The following AMMECR1 variants were observed in gnomAD, a reference collection of about 807,000 sequenced individuals.
The protein encoded by AMMECR1 is AMMECR nuclear protein 1, also known as nuclear protein AMMECR1.
Under a neutral mutation model 22.5 loss-of-function variants are expected in AMMECR1, and 3 were observed. The ratio of observed to expected loss-of-function variants is 0.13; its 90% CI spans 0.06 to 0.35. The LOEUF (loss-of-function observed/expected upper bound fraction) is 0.35. Ranked by LOEUF, AMMECR1 falls within the 10% of genes least tolerant of loss-of-function variation. The probability of loss-of-function intolerance (pLI) is 1.00; values close to 1 mark genes in which losing one functional copy is unlikely to be tolerated. For synonymous variants in AMMECR1, 130 were observed against 116.7 expected, an observed-to-expected ratio of 1.11 and a Z score of -0.74; for missense variants, 235 against 278.7, an observed-to-expected ratio of 0.84 and a Z score of 1.12.
At chrX:110,343,631 C>T (rs141190848) in intron 2 of AMMECR1, among the ~76,000 whole-genome samples, 1,133 of 111,379 alleles carry the variant, frequency 0.01, 11 homozygotes, top group Non-Finnish European at 0.015. Flanking sequence ...AGCTGATAAG[C>T]AAATTCAGGA....
At chrX:110,410,309 A>C (rs1214989926) in intron 2 of AMMECR1, among the ~76,000 whole-genome samples, 1 of 111,803 alleles carries the variant, frequency 8.9e-6, no homozygotes, top group Non-Finnish European at 1.9e-5. Context: ...TAGAGGACAG[A>C]GGGCATCTTA....
chrX:110,230,046 C>A (rs2067555816), intron 2 of AMMECR1, among the ~76,000 whole-genome samples: 1 of 113,198 alleles, frequency 8.8e-6, no homozygotes, highest in South Asian at 3.6e-4. Context: ...ACAACGCCTA[C>A]TGCCTCTAGA....
intron 2 of AMMECR1, among the ~76,000 whole-genome samples, chrX:110,422,755 T>G (rs1036836446): frequency 8.9e-6 from 1 of 112,109 alleles, no homozygotes; most frequent in African/African-American, 3.2e-5. Flanking sequence ...CTCTGATGGC[T>G]TTAATTCACA....
intron 3 of AMMECR1, among the ~76,000 whole-genome samples, chrX:110,203,354 A>T (rs2067406419): frequency 9.0e-6 from 1 of 111,187 alleles, no homozygotes; most frequent in Non-Finnish European, 1.9e-5. Context: ...TTTCTTGCTA[A>T]TTTTTTTTTA....
chrX:110,199,426 C>T (rs1375927607), intron 5 of AMMECR1, among the ~76,000 whole-genome samples: 1 of 110,976 alleles, frequency 9.0e-6, no homozygotes, highest in Non-Finnish European at 1.9e-5. Flanking sequence ...ACTGTCCCCC[C>T]ACAGTGAACC....
At chrX:110,428,054 T>C (rs894466360) in intron 1 of AMMECR1, among the ~76,000 whole-genome samples, 2 of 112,410 alleles carry the variant, frequency 1.8e-5, no homozygotes, top group African/African-American at 6.5e-5. Flanking sequence ...TCTCTTGTTC[T>C]TCTCTGGTTA....
intron 1 of AMMECR1, among the ~76,000 whole-genome samples, chrX:110,290,542 A>G (rs997274950): frequency 3.6e-5 from 4 of 111,936 alleles, no homozygotes; most frequent in Non-Finnish European, 7.5e-5. Context: ...GTGTGTTTGT[A>G]GCAGTCCTGA....
At chrX:110,351,791 C>T (rs1192302657) in intron 2 of AMMECR1, among the ~76,000 whole-genome samples, 1 of 111,965 alleles carries the variant, frequency 8.9e-6, no homozygotes, top group Non-Finnish European at 1.9e-5. Context: ...AATGAAAAGA[C>T]AACCCAGAGA....
chrX:110,216,641 A>G lies in AMMECR1; in HGVS notation c.585-9T>C, dbSNP rs2148170902. ...GGCTATCTTTAAGGGCACTGTTAAA[A>G]ACAAAGCAAATATTAAAGCAATCAC... On this transcript the variant is annotated splice_polypyrimidine_tract_variant and intron_variant, in intron 2 of 5. Transcript: ENST00000262844. 9.1e-7 allele frequency: 1 copy of G among 1,103,988 alleles called. No individual in the cohort carries two copies. The highest frequency in any genetic ancestry group is 3.0e-5 in the East Asian group (1 of 33,068). 91.0% of individuals were successfully genotyped at this position (1,103,988 alleles called of 1,213,427 possible).
chrX:110,410,731 C>T (rs1569424236), intron 2 of AMMECR1, among the ~76,000 whole-genome samples: 1 of 111,232 alleles, frequency 9.0e-6, no homozygotes. Flanking sequence ...GGTCAAGCTG[C>T]GTTGGTGGTG....
At chrX:110,223,799 C>T (rs886480157) in intron 2 of AMMECR1, among the ~76,000 whole-genome samples, 1 of 111,743 alleles carries the variant, frequency 8.9e-6, no homozygotes, top group African/African-American at 3.3e-5. Context: ...TTGAAGTAAT[C>T]GTTAATTAAT....
At chrX:110,359,011 T>C (rs1485474911) in intron 2 of AMMECR1, 1 of 111,998 alleles carries the variant, frequency 8.9e-6, no homozygotes, top group Non-Finnish European at 1.9e-5. Context: ...TTTATAAGTA[T>C]TAACTCCTTT....
intron 1 of AMMECR1, chrX:110,306,800 A>C (rs1454813405): frequency 8.9e-6 from 1 of 112,055 alleles, no homozygotes; most frequent in African/African-American, 3.3e-5. Context: ...GGATTCCCAA[A>C]ATTCCTAGAA....
At chrX:110,224,264 A>G (rs2067519821) in intron 2 of AMMECR1, among the ~76,000 whole-genome samples, 1 of 110,950 alleles carries the variant, frequency 9.0e-6, no homozygotes, top group Non-Finnish European at 1.9e-5. Flanking sequence ...TGGTGTTTTC[A>G]TTTCATTTTC....
At chrX:110,294,137 G>A (rs922769268) in intron 1 of AMMECR1, among the ~76,000 whole-genome samples, 2 of 111,861 alleles carry the variant, frequency 1.8e-5, no homozygotes, top group African/African-American at 6.5e-5. Context: ...AAATAGTACA[G>A]TGGATTTGTT....
chrX:110,240,395 A>C (rs2067624930), intron 2 of AMMECR1, among the ~76,000 whole-genome samples: 1 of 94,364 alleles, frequency 1.1e-5, no homozygotes, highest in Admixed American at 1.1e-4. Context: ...AAAAAAAAAA[A>C]ACAAAAACGG....
intron 2 of AMMECR1, among the ~76,000 whole-genome samples, chrX:110,387,598 T>C (rs1344022287): frequency 9.0e-6 from 1 of 111,592 alleles, no homozygotes; most frequent in Non-Finnish European, 1.9e-5. Flanking sequence ...TATGGTATTA[T>C]AATATTACCC....
rs2067394399 is a variant in AMMECR1, at chrX:110,200,993, G to A, written c.848C>T (p.Pro283Leu). ...SLLRKGGYKAPITNEFRKTIK... is the reference protein window; with the variant it reads ...SLLRKGGYKALITNEFRKTIK... ...GGTTTTCCTGAATTCATTAGTAATC[G>A]GAGCTTTGTATCCTCCTTTCCTCAA... Residue 283 changes from proline to leucine, a missense_variant, in exon 5 of 6, where the codon CCG (proline) becomes CTG (leucine). Transcript: ENST00000262844. 11 of 1,208,600 alleles carry A rather than the reference G, an allele frequency of 9.1e-6. No homozygotes were observed. Among genetic ancestry groups the A allele is most frequent in the South Asian group, 3.5e-5 (2 of 56,889 alleles).
chrX:110,343,754 G>C (rs2068175483), intron 2 of AMMECR1, among the ~76,000 whole-genome samples: 1 of 110,837 alleles, frequency 9.0e-6, no homozygotes, highest in South Asian at 3.9e-4. Flanking sequence ...TTGCTTCAAA[G>C]AGAATAAAAT....
Sources: allele counts gnomAD v4.1 joint callset (sites outside exome capture counted in the v4.1 genomes callset), GRCh38; gene constraint gnomAD v4.1.1; transcripts MANE v1.5; gene names NCBI Gene and HGNC (gene_info 2026-07-23, HGNC 2026-07-21).